Variants in THADA observed in about 807,000 individuals in gnomAD.
THADA encodes THADA armadillo repeat containing.
THADA carries 213 observed loss-of-function variants against 219.8 expected under a neutral mutation model. The ratio of observed to expected loss-of-function variants is 0.97; its 90% CI spans 0.87 to 1.09. THADA has a LOEUF of 1.09. Ranked by LOEUF, THADA falls within the 50% of genes least tolerant of loss-of-function variation. The pLI is 0.00. For synonymous variants in THADA, 1,018 were observed against 828.9 expected (o/e 1.23, Z -3.92); for missense variants, 2,956 against 2,311.3 (o/e 1.28, Z -5.72).
intron 26 of THADA, among the ~76,000 whole-genome samples, chr2:43,444,821 G>A (rs1217705779): frequency 1.3e-5 from 2 of 152,108 alleles, no homozygotes; most frequent in African/African-American, 4.8e-5. Context: ...ACAGAGTAAT[G>A]TACAGAGGTA....
chr2:43,288,212 C>G (rs1324051811), intron 34 of THADA, among the ~76,000 whole-genome samples: 1 of 152,182 alleles, frequency 6.6e-6, no homozygotes, highest in African/African-American at 2.4e-5. Flanking sequence ...TGAGGTCAGG[C>G]GTTCAGGACC....
At position 43,292,114 on chromosome 2, in the gene THADA, A is replaced by G; in HGVS notation, c.4927T>C (p.Ser1643Pro). The change falls in exon 33 of 38, where the codon TCC (serine) becomes CCC (proline). Residue 1643 changes from serine to proline, a missense_variant. Transcript: ENST00000405975. ...EFLIWTMDIASNERSEIQSVA... is the reference protein window; with the variant it reads ...EFLIWTMDIAPNERSEIQSVA... ...GTTTTGGGGGCAAACCTTTCATTGG[A>G]AGCAATATCCATCGTCCAGATCAAG... The G allele has an allele frequency of 6.2e-7, 1 of 1,603,804 alleles. No homozygotes were observed. The highest frequency in any genetic ancestry group is 1.1e-5 in the South Asian group (1 of 88,654).
intron 21 of THADA, among the ~76,000 whole-genome samples, chr2:43,537,329 G>A (rs1254650190): frequency 2.6e-5 from 4 of 152,050 alleles, no homozygotes; most frequent in Non-Finnish European, 5.9e-5. Context: ...GTATTTCTAA[G>A]CCCTTTGACG....
chr2:43,273,935 T>A (rs1672426480), intron 36 of THADA, among the ~76,000 whole-genome samples: 2 of 152,138 alleles, frequency 1.3e-5, no homozygotes, highest in Admixed American at 1.3e-4. Context: ...CTTCTTTGCC[T>A]TGCCCTGGCT....
chr2:43,316,912 A>C (rs994932228), intron 31 of THADA, among the ~76,000 whole-genome samples: 5 of 152,232 alleles, frequency 3.3e-5, no homozygotes, highest in African/African-American at 1.2e-4. Context: ...GTGCAACAAG[A>C]GTGAAACTCC....
At chr2:43,518,088 T>A (rs1031956827) in intron 22 of THADA, among the ~76,000 whole-genome samples, 1 of 152,192 alleles carries the variant, frequency 6.6e-6, no homozygotes, top group Admixed American at 6.5e-5. Flanking sequence ...AGCAGATAGT[T>A]TATTATTTTC....
intron 24 of THADA, among the ~76,000 whole-genome samples, chr2:43,504,859 G>A (rs1231065023): frequency 6.6e-6 from 1 of 152,180 alleles, no homozygotes; most frequent in Non-Finnish European, 1.5e-5. Context: ...ACTCCAGCAT[G>A]AGCAACAGAG....
At chr2:43,330,780 C>T (rs1236790048) in intron 30 of THADA, among the ~76,000 whole-genome samples, 2 of 152,198 alleles carry the variant, frequency 1.3e-5, no homozygotes, top group Admixed American at 6.5e-5. Flanking sequence ...AGAGAGGGCC[C>T]TTGGCAGCCC....
chr2:43,538,013 C>T (rs1558932307), intron 21 of THADA, among the ~76,000 whole-genome samples: 1 of 151,702 alleles, frequency 6.6e-6, no homozygotes, highest in East Asian at 1.9e-4. Flanking sequence ...CAATCTTACT[C>T]GTGTGATTTC....
intron 26 of THADA, among the ~76,000 whole-genome samples, chr2:43,457,776 C>T (rs925753017): frequency 2.6e-5 from 4 of 152,038 alleles, no homozygotes; most frequent in Non-Finnish European, 4.4e-5. Context: ...ACTTTTTTCT[C>T]CTTTAAGTCC....
chr2:43,577,708 G>C (rs1294648175), intron 9 of THADA, among the ~76,000 whole-genome samples: 2 of 151,604 alleles, frequency 1.3e-5, no homozygotes, highest in Admixed American at 1.3e-4. Context: ...AAAAATACAA[G>C]GATTGTGGCC....
At chr2:43,304,329 A>T (rs1160818683) in intron 31 of THADA, among the ~76,000 whole-genome samples, 2 of 152,228 alleles carry the variant, frequency 1.3e-5, no homozygotes, top group Non-Finnish European at 2.9e-5. Context: ...TAGAAGCAGC[A>T]GTCAGTATCC....
intron 1 of THADA, among the ~76,000 whole-genome samples, chr2:43,595,438 A>G (rs937422655): frequency 6.6e-6 from 1 of 152,230 alleles, no homozygotes; most frequent in African/African-American, 2.4e-5. Context: ...TAGGGAGACT[A>G]TTCTCTGGTG....
intron 31 of THADA, among the ~76,000 whole-genome samples, chr2:43,306,743 C>T (rs561592884): frequency 4.5e-4 from 68 of 152,296 alleles, no homozygotes; most frequent in African/African-American, 1.6e-3. Flanking sequence ...ATGTGAAGTC[C>T]AGCCCCAACA....
intron 30 of THADA, among the ~76,000 whole-genome samples, chr2:43,331,450 T>C (rs1036753801): frequency 2.0e-5 from 3 of 152,230 alleles, no homozygotes; most frequent in Admixed American, 2.0e-4. Context: ...CATGTGCATA[T>C]AGACAGCAGC....
intron 22 of THADA, among the ~76,000 whole-genome samples, chr2:43,524,208 A>G (rs1558908799): frequency 6.6e-6 from 1 of 152,222 alleles, no homozygotes; most frequent in Non-Finnish European, 1.5e-5. Context: ...AAATTAACTC[A>G]ACACACTATT....
chr2:43,319,783 G>C (rs181903827), intron 31 of THADA, among the ~76,000 whole-genome samples: 1 of 152,264 alleles, frequency 6.6e-6, no homozygotes, highest in African/African-American at 2.4e-5. Context: ...AGTTTGTGCT[G>C]ATGAAAATCA....
intron 27 of THADA, among the ~76,000 whole-genome samples, chr2:43,429,331 T>G (rs1298238282): frequency 2.0e-5 from 3 of 152,142 alleles, no homozygotes. Flanking sequence ...GGTCTTGAAC[T>G]CCTGACCTCA....
At chr2:43,300,627 A>G (rs1270703569) in intron 31 of THADA, among the ~76,000 whole-genome samples, 1 of 152,202 alleles carries the variant, frequency 6.6e-6, no homozygotes, top group Admixed American at 6.5e-5. Context: ...GGAAAGGGCA[A>G]ACGTGTCAGG....
Sources: allele counts gnomAD v4.1 joint callset (sites outside exome capture counted in the v4.1 genomes callset), GRCh38; gene constraint gnomAD v4.1.1; transcripts MANE v1.5; gene names NCBI Gene and HGNC (gene_info 2026-07-23, HGNC 2026-07-21).